The following TMEM132C variants were observed in gnomAD, a reference collection of about 807,000 sequenced individuals.
The protein encoded by TMEM132C is protein phosphatase 1, regulatory subunit 152.
TMEM132C carries 29 observed loss-of-function variants against 61.4 expected under a neutral mutation model. The ratio of observed to expected loss-of-function variants is 0.47; its 90% CI spans 0.35 to 0.64. The LOEUF (loss-of-function observed/expected upper bound fraction) is 0.64. Ranked by LOEUF, TMEM132C falls within the 30% of genes least tolerant of loss-of-function variation. The pLI is 0.00. For synonymous variants in TMEM132C, 656 were observed against 633.1 expected (o/e 1.04, Z -0.54); for missense variants, 1,408 against 1,476.9 (o/e 0.95, Z 0.76).
At chr12:128,510,852 C>T (rs1209138289) in intron 2 of TMEM132C, among the ~76,000 whole-genome samples, 1 of 152,244 alleles carries the variant, frequency 6.6e-6, no homozygotes, top group African/African-American at 2.4e-5. Context: ...GGAACCTTCT[C>T]TTAGTGCCCT....
At chr12:128,590,023 C>T (rs1875697220) in intron 3 of TMEM132C, among the ~76,000 whole-genome samples, 1 of 152,202 alleles carries the variant, frequency 6.6e-6, no homozygotes, top group African/African-American at 2.4e-5. Flanking sequence ...GGAGGTTGTT[C>T]ATTGAATGAA....
intron 2 of TMEM132C, among the ~76,000 whole-genome samples, chr12:128,446,383 T>G (rs1405260729): frequency 6.6e-6 from 1 of 152,212 alleles, no homozygotes; most frequent in Non-Finnish European, 1.5e-5. Context: ...TCAGACAGAA[T>G]GTAGGATGTC....
At chr12:128,402,998 G>A (rs1875221786) in intron 1 of TMEM132C, among the ~76,000 whole-genome samples, 1 of 152,176 alleles carries the variant, frequency 6.6e-6, no homozygotes, top group Admixed American at 6.5e-5. Flanking sequence ...GGGCTCAGAG[G>A]GGAATATAAG....
At chr12:128,585,865 A>G (rs2135562649) in intron 3 of TMEM132C, among the ~76,000 whole-genome samples, 1 of 152,298 alleles carries the variant, frequency 6.6e-6, no homozygotes, top group Non-Finnish European at 1.5e-5. Context: ...GGAAAATACA[A>G]GGGCGGGTGC....
intron 4 of TMEM132C, among the ~76,000 whole-genome samples, chr12:128,666,814 G>A (rs573289216): frequency 2.0e-5 from 3 of 152,318 alleles, no homozygotes; most frequent in East Asian, 3.9e-4. Flanking sequence ...ATTGATATTG[G>A]TCAGTGAAAA....
chr12:128,572,239 G>T (rs1243893706), intron 3 of TMEM132C, among the ~76,000 whole-genome samples: 4 of 146,158 alleles, frequency 2.7e-5, no homozygotes, highest in Non-Finnish European at 5.9e-5. Context: ...TGGGTCACAG[G>T]CCCACTGTGG....
At chr12:128,498,776 A>G (rs866199538) in intron 2 of TMEM132C, among the ~76,000 whole-genome samples, 1 of 152,206 alleles carries the variant, frequency 6.6e-6, no homozygotes, top group Non-Finnish European at 1.5e-5. Context: ...GATAGCATCA[A>G]AAAGAATAAG....
Position 128,461,289 on chromosome 12 carries a change from C to T in TMEM132C, c.974+45669C>T, listed in dbSNP as rs146193390. On this transcript the variant is annotated intron_variant, in intron 2 of 8. Coordinates refer to ENST00000435159, the MANE Select transcript of TMEM132C (RefSeq NM_001136103.3). ...ACATAGAACTGTGCACTGCAGGGAG[C>T]GTCATGAACAAGGAGCATTGTGGGT... Among the ~76,000 whole-genome samples the T allele has an allele frequency of 7.8e-3, 1,183 of 152,136 alleles. 14 individuals carry two copies. Among genetic ancestry groups the T allele is most frequent in the African/African-American group, 0.026 (1,088 of 41,500 alleles).
chr12:128,430,820 A>T (rs1050590990), intron 2 of TMEM132C, among the ~76,000 whole-genome samples: 8 of 152,228 alleles, frequency 5.3e-5, no homozygotes, highest in Non-Finnish European at 1.2e-4. Context: ...GACAAATTTA[A>T]TAAATGTTGT....
chr12:128,286,365 G>A (rs1381657286), intron 1 of TMEM132C, among the ~76,000 whole-genome samples: 1 of 152,182 alleles, frequency 6.6e-6, no homozygotes, highest in Admixed American at 6.5e-5. Flanking sequence ...AGACAGGAGT[G>A]AAGCACATTG....
rs945041351 is a variant in TMEM132C, at chr12:128,565,858, A to G, written c.1121+21755A>G. Among the ~76,000 whole-genome samples, 72 of 151,768 alleles carry G rather than the reference A, an allele frequency of 4.7e-4. 1 individual carries two copies. Among genetic ancestry groups the G allele is most frequent in the African/African-American group, 1.6e-3 (65 of 41,368 alleles). On this transcript the variant is annotated intron_variant, in intron 3 of 8. Transcript: ENST00000435159. ...GAACTGCATGAAGGTCAGTAACATAATATAATCTAAATAGGTGAAAAAAAA... is the reference window on the plus strand; with the variant it reads ...GAACTGCATGAAGGTCAGTAACATAGTATAATCTAAATAGGTGAAAAAAAA...
At chr12:128,474,138 C>T (rs939926573) in intron 2 of TMEM132C, among the ~76,000 whole-genome samples, 7 of 152,166 alleles carry the variant, frequency 4.6e-5, no homozygotes, top group African/African-American at 1.7e-4. Flanking sequence ...GCTTAATCTG[C>T]CCAGGGCTGA....
At chr12:128,548,463 T>C (rs1034234522) in intron 3 of TMEM132C, among the ~76,000 whole-genome samples, 1 of 152,200 alleles carries the variant, frequency 6.6e-6, no homozygotes, top group African/African-American at 2.4e-5. Context: ...CTACGTGGTT[T>C]GTGAAGGTGT....
chr12:128,512,275 G>A (rs913202416), intron 2 of TMEM132C, among the ~76,000 whole-genome samples: 5 of 152,052 alleles, frequency 3.3e-5, no homozygotes, highest in Non-Finnish European at 7.4e-5. Context: ...TTTGTTTCTT[G>A]TATCTCCTTC....
intron 1 of TMEM132C, among the ~76,000 whole-genome samples, chr12:128,339,980 TAC>T (rs1434422375): frequency 1.3e-5 from 2 of 152,214 alleles, no homozygotes; most frequent in African/African-American, 4.8e-5. Flanking sequence ...CAACTGTTTG[TAC>T]AGACATTTTT....
At chr12:128,568,946 T>C (rs79953372) in intron 3 of TMEM132C, among the ~76,000 whole-genome samples, 2,240 of 152,346 alleles carry the variant, frequency 0.015, 49 homozygotes, top group African/African-American at 0.04. Flanking sequence ...TTCTCTGCGC[T>C]GGGCACTCAC....
chr12:128,350,296 G>T (rs997757501), intron 1 of TMEM132C, among the ~76,000 whole-genome samples: 1 of 152,090 alleles, frequency 6.6e-6, no homozygotes, highest in Non-Finnish European at 1.5e-5. Flanking sequence ...TTGGGTGCGG[G>T]ACTAGATGGC....
intron 1 of TMEM132C, among the ~76,000 whole-genome samples, chr12:128,392,688 G>T (rs1874807572): frequency 6.6e-6 from 1 of 151,946 alleles, no homozygotes; most frequent in Non-Finnish European, 1.5e-5. Context: ...TTATTTCAGG[G>T]GTATCCAATC....
intron 1 of TMEM132C, among the ~76,000 whole-genome samples, chr12:128,389,109 G>A (rs1021986560): frequency 6.6e-6 from 1 of 152,186 alleles, no homozygotes; most frequent in Non-Finnish European, 1.5e-5. Context: ...TTGGCAGCCT[G>A]AGCTCCAAGC....
Sources: gnomAD v4.1 joint callset for allele counts (sites outside exome capture counted in the v4.1 genomes callset) on GRCh38, gnomAD v4.1.1 for gene constraint, MANE v1.5 for transcripts, NCBI Gene and HGNC (gene_info 2026-07-23, HGNC 2026-07-21) for gene names.